ITPK1: variants seen among roughly 807,000 people sequenced by gnomAD.
ITPK1 encodes the protein inositol 1,3,4-trisphosphate 5/6-kinase.
Under a neutral mutation model 45.3 loss-of-function variants are expected in ITPK1, and 21 were observed. That is an observed-to-expected ratio of 0.46 (90% confidence interval 0.33 to 0.67). ITPK1 has a LOEUF of 0.67. ITPK1 is among the 30% of genes least tolerant of loss of function. The probability of loss-of-function intolerance (pLI) is 0.02; values close to 1 mark genes in which losing one functional copy is unlikely to be tolerated. For synonymous variants in ITPK1, 258 were observed against 253.6 expected, an observed-to-expected ratio of 1.02 and a Z score of -0.16; for missense variants, 474 against 573.5, an observed-to-expected ratio of 0.83 and a Z score of 1.77.
rs1185405773 is a variant in ITPK1, at chr14:93,097,486, C to CCG, written c.95+17582_95+17583insCG. On this transcript the variant is annotated intron_variant, in intron 2 of 10. Transcript: ENST00000267615. ...GACCCCTTACCAGACTGCAAGCTGACCACACACACGCAAGGGATTCCTAGC... is the reference window on the plus strand; with the variant it reads ...GACCCCTTACCAGACTGCAAGCTGACCGCACACACACGCAAGGGATTCCTAGC... Among the ~76,000 whole-genome samples the CCG allele has an allele frequency of 6.6e-4, 100 of 152,282 alleles. 1 individual carries two copies. The Middle Eastern group carries it at 0.017, about 26-fold the overall frequency.
chr14:92,985,965 G>T (rs1335235079), intron 5 of ITPK1, among the ~76,000 whole-genome samples: 1 of 152,204 alleles, frequency 6.6e-6, no homozygotes, highest in African/African-American at 2.4e-5. Flanking sequence ...GCACACAGCT[G>T]GGTGTTTAGG....
At position 92,949,391 on chromosome 14, in the gene ITPK1, C is replaced by T. The variant is rs1488916546; in HGVS notation, c.738+2555G>A. ...TTGGGATTAAAGGTATGAGCCACCG[C>T]GCCCAGCCACTTAGCTTTTCTGAGC... On this transcript the variant is annotated intron_variant, in intron 9 of 10. Coordinates refer to ENST00000267615, the MANE Select transcript of ITPK1 (RefSeq NM_014216.6). Among the ~76,000 whole-genome samples the T allele has an allele frequency of 2.0e-5, 3 of 152,246 alleles. No homozygotes were observed. The East Asian group carries it at 5.8e-4, about 29-fold the overall frequency.
At chr14:93,102,187 C>T (rs993645518) in intron 2 of ITPK1, among the ~76,000 whole-genome samples, 6 of 152,264 alleles carry the variant, frequency 3.9e-5, no homozygotes, top group Non-Finnish European at 7.3e-5. Flanking sequence ...AGGTCAGAAG[C>T]TGGGGCCTGG....
At chr14:93,045,929 T>C (rs1262633860) in intron 3 of ITPK1, among the ~76,000 whole-genome samples, 1 of 152,170 alleles carries the variant, frequency 6.6e-6, no homozygotes, top group Non-Finnish European at 1.5e-5. Context: ...GGACCCACGT[T>C]GCCTCCGACT....
At chr14:93,062,500 G>A (rs1249721772) in intron 3 of ITPK1, among the ~76,000 whole-genome samples, 1 of 152,048 alleles carries the variant, frequency 6.6e-6, no homozygotes, top group African/African-American at 2.4e-5. Context: ...ATGCTCAAAG[G>A]ACATGAATAA....
intron 2 of ITPK1, among the ~76,000 whole-genome samples, chr14:93,103,409 G>A (rs1469610573): frequency 2.6e-5 from 4 of 151,970 alleles, no homozygotes; most frequent in African/African-American, 4.8e-5. Flanking sequence ...GCAAGACTCC[G>A]TCTCCATCTC....
intron 3 of ITPK1, among the ~76,000 whole-genome samples, chr14:93,018,389 G>A (rs1378661700): frequency 1.3e-5 from 2 of 152,036 alleles, no homozygotes; most frequent in African/African-American, 4.8e-5. Flanking sequence ...GCTGGCTCTC[G>A]GGCCTGCCCA....
intron 8 of ITPK1, among the ~76,000 whole-genome samples, chr14:92,952,538 G>A (rs1203365291): frequency 6.6e-6 from 1 of 152,044 alleles, no homozygotes; most frequent in Non-Finnish European, 1.5e-5. Flanking sequence ...AGCGACTTAG[G>A]GAAAAAAATA....
rs533720683 is a variant in ITPK1, at chr14:93,068,079, G to A, written c.120+8516C>T. 1.2e-3 allele frequency: 188 copies of A among 152,646 alleles called. 2 individuals carry two copies. Among genetic ancestry groups the A allele is most frequent in the Non-Finnish European group, 2.0e-3 (137 of 67,960 alleles). 9.5% of individuals were successfully genotyped at this position (152,646 alleles called of 1,614,324 possible). A position where few individuals can be genotyped will look rare whatever the true frequency, so the allele number is the denominator to read the frequency against. On this transcript the variant is annotated intron_variant, in intron 3 of 10. Coordinates refer to ENST00000267615, the MANE Select transcript of ITPK1 (RefSeq NM_014216.6). ...TCTCAACAGCCCAGTTTCATCTGTA[G>A]CTGTATTTTCCCCACTGAAATGCCA...
At chr14:93,030,319 T>C (rs1200209378) in intron 3 of ITPK1, among the ~76,000 whole-genome samples, 1 of 152,236 alleles carries the variant, frequency 6.6e-6, no homozygotes, top group African/African-American at 2.4e-5. Flanking sequence ...CCGTTACTGC[T>C]TCATGAATCA....
At chr14:93,025,157 C>G (rs2139875538) in intron 3 of ITPK1, among the ~76,000 whole-genome samples, 1 of 152,242 alleles carries the variant, frequency 6.6e-6, no homozygotes, top group Admixed American at 6.5e-5. Context: ...CAGGGTCTTT[C>G]CATCCTGCCG....
At chr14:92,962,710 C>G in intron 6 of ITPK1, 41 bp downstream of exon 6, 1 of 1,470,372 alleles carries the variant, frequency 6.8e-7, no homozygotes. Context: ...GGCCTGCGGT[C>G]TACAGCGCCT....
Position 93,016,901 on chromosome 14 carries a change from C to T in ITPK1, c.121-100G>A, listed in dbSNP as rs989703729. 6.0e-6 allele frequency: 9 copies of T among 1,509,168 alleles called. No homozygotes were observed. The highest frequency in any genetic ancestry group is 2.3e-5 in the East Asian group (1 of 44,044). The allele number at this position is 1,509,168 out of a possible 1,614,324, so 93.5% of individuals were successfully genotyped here. A position where few individuals can be genotyped will look rare whatever the true frequency, so the allele number is the denominator to read the frequency against. On this transcript the variant is annotated intron_variant, in intron 3 of 10. Coordinates refer to ENST00000267615, the MANE Select transcript of ITPK1 (RefSeq NM_014216.6). This position sits in a 1 kb window ranked among gnomAD's most constrained non-coding sequence, Gnocchi z 5.0. ...CTGGGGCATATCACCAGAGGACCCT[C>T]GAGCCTCCCTGTAGCACTCTGGAGA...
At chr14:92,971,401 C>T (rs530828773) in intron 5 of ITPK1, among the ~76,000 whole-genome samples, 112 of 152,340 alleles carry the variant, frequency 7.4e-4, no homozygotes, top group African/African-American at 2.6e-3. Flanking sequence ...CACTCATCGT[C>T]GTGGTCCCAC....
At chr14:93,001,109 A>G (rs1887328776) in intron 4 of ITPK1, among the ~76,000 whole-genome samples, 1 of 149,302 alleles carries the variant, frequency 6.7e-6, no homozygotes, top group South Asian at 2.1e-4. Flanking sequence ...CCTGGCCAAC[A>G]TGGTGAAACC....
chr14:93,028,634 C>T (rs1248130472), intron 3 of ITPK1, among the ~76,000 whole-genome samples: 2 of 152,196 alleles, frequency 1.3e-5, no homozygotes, highest in Non-Finnish European at 2.9e-5. Context: ...GTTGGTGAAG[C>T]CTTAGCACCA....
intron 2 of ITPK1, among the ~76,000 whole-genome samples, chr14:93,105,722 A>G (rs563232594): frequency 2.2e-4 from 24 of 109,510 alleles, no homozygotes; most frequent in African/African-American, 8.8e-4. Context: ...TTTTTTTTTG[A>G]GACAGAGTTT....
chr14:92,990,688 C>G (rs72704301), intron 5 of ITPK1, among the ~76,000 whole-genome samples: 1 of 152,130 alleles, frequency 6.6e-6, no homozygotes, highest in Non-Finnish European at 1.5e-5. Context: ...GAGCTCCCAG[C>G]AGCAGGCCTC....
chr14:93,026,638 C>G (rs1888745415), intron 3 of ITPK1, among the ~76,000 whole-genome samples: 1 of 152,200 alleles, frequency 6.6e-6, no homozygotes, highest in South Asian at 2.1e-4. Flanking sequence ...ACAGGGTGAA[C>G]TCACCCACAT....
Sources: gnomAD v4.1 joint callset for allele counts (sites outside exome capture counted in the v4.1 genomes callset) on GRCh38, gnomAD v4.1.1 for gene constraint, Gnocchi (gnomAD v3.1) non-coding constraint, MANE v1.5 for transcripts, NCBI Gene and HGNC (gene_info 2026-07-23, HGNC 2026-07-21) for gene names.